ACACA: variants seen among roughly 807,000 people sequenced by gnomAD.
ACACA encodes acetyl-CoA carboxylase 1.
ACACA carries 103 observed loss-of-function variants against 296.1 expected under a neutral mutation model. The observed-to-expected ratio is 0.35, with a 90% CI of 0.30 to 0.41. The LOEUF (loss-of-function observed/expected upper bound fraction) is 0.41, where lower values mean the gene tolerates loss of function less well. Among genes scored for constraint, ACACA ranks in the 10% least tolerant of loss-of-function variants. The pLI is 1.00. For synonymous variants in ACACA, 953 were observed against 1,038.6 expected (o/e 0.92, Z 1.58); for missense variants, 1,554 against 2,989.7 (o/e 0.52, Z 11.20).
intron 38 of ACACA, among the ~76,000 whole-genome samples, chr17:37,189,030 T>C (rs2077645813): frequency 6.6e-6 from 1 of 152,196 alleles, no homozygotes; most frequent in Admixed American, 6.5e-5. Flanking sequence ...TGCTAGAACA[T>C]TCTCTCTAAA....
intron 39 of ACACA, among the ~76,000 whole-genome samples, chr17:37,183,715 T>C (rs1384412362): frequency 3.4e-5 from 5 of 149,088 alleles, no homozygotes; most frequent in African/African-American, 9.9e-5. Flanking sequence ...ACCCGGGAGG[T>C]AGAACTTGCA....
intron 29 of ACACA, among the ~76,000 whole-genome samples, chr17:37,219,648 G>A (rs990864879): frequency 6.7e-6 from 1 of 149,226 alleles, no homozygotes; most frequent in Non-Finnish European, 1.5e-5. Context: ...ACATTTGGGG[G>A]AAAAATATAT....
intron 3 of ACACA, among the ~76,000 whole-genome samples, chr17:37,294,603 T>A (rs747694276): frequency 9.9e-5 from 15 of 152,244 alleles, no homozygotes; most frequent in Admixed American, 2.6e-4. Context: ...AAATTTCAGA[T>A]ATAGCAGTTT....
At chr17:37,331,569 G>A (rs368385596) in intron 2 of ACACA, among the ~76,000 whole-genome samples, 10 of 151,930 alleles carry the variant, frequency 6.6e-5, no homozygotes, top group East Asian at 1.9e-4. Flanking sequence ...CACCATGCCC[G>A]GCTGACTTTT....
intron 16 of ACACA, among the ~76,000 whole-genome samples, chr17:37,251,679 G>A (rs901287581): frequency 2.0e-5 from 3 of 152,208 alleles, no homozygotes; most frequent in Non-Finnish European, 4.4e-5. Context: ...GTGCTAGGGA[G>A]AAATACCAGA....
Position 37,330,157 on chromosome 17 carries a change from T to A in ACACA, c.338+16A>T, listed in dbSNP as rs143267096. On this transcript the variant is annotated intron_variant, in intron 3 of 55. Transcript: ENST00000616317. ...CAAGACAGATTAAATAAGTAGACCA[T>A]TGAACTCTCTCTTACCTTATGTGCA... is the stretch of plus-strand genomic sequence containing the variant. 1 of 1,613,886 alleles carries A rather than the reference T, an allele frequency of 6.2e-7. No homozygotes were observed. The highest frequency in any genetic ancestry group is 8.5e-7 in the Non-Finnish European group (1 of 1,179,880).
chr17:37,324,999 G>A lies in ACACA; in HGVS notation c.338+5174C>T, dbSNP rs528904866. On this transcript the variant is annotated intron_variant, in intron 3 of 55. Coordinates refer to ENST00000616317, the MANE Select transcript of ACACA (RefSeq NM_198834.3). ...AGGCAGATCACAAGGTCAGGAGTTC[G>A]AGACCTGCCTGACGAACACGGTGAA... Among the ~76,000 whole-genome samples the A allele has an allele frequency of 3.3e-5, 5 of 151,602 alleles. No individual in the cohort carries two copies. The East Asian group carries it at 5.8e-4, about 18-fold the overall frequency.
At chr17:37,219,357 C>T (rs145497869) in intron 29 of ACACA, among the ~76,000 whole-genome samples, 1 of 152,100 alleles carries the variant, frequency 6.6e-6, no homozygotes, top group Non-Finnish European at 1.5e-5. Context: ...TTTGGCTGAT[C>T]CTGACAATAA....
At chr17:37,175,965 A>G (rs972107898) in intron 41 of ACACA, among the ~76,000 whole-genome samples, 3 of 152,206 alleles carry the variant, frequency 2.0e-5, no homozygotes. Context: ...TTCAAAATGC[A>G]GGTCACATCT....
At chr17:37,359,376 G>C (rs2049304147) in intron 1 of ACACA, among the ~76,000 whole-genome samples, 1 of 151,936 alleles carries the variant, frequency 6.6e-6, no homozygotes, top group Non-Finnish European at 1.5e-5. Flanking sequence ...GTCCGAGCGC[G>C]GATCTGCCAT....
intron 9 of ACACA, among the ~76,000 whole-genome samples, chr17:37,271,505 A>G (rs1318575509): frequency 6.6e-6 from 1 of 152,136 alleles, no homozygotes; most frequent in Non-Finnish European, 1.5e-5. Context: ...ACAAGAGCGA[A>G]ACTCCATCTC....
chr17:37,263,824 A>G lies in ACACA; in HGVS notation c.1190T>C (p.Val397Ala). Residue 397 changes from valine (V) to alanine (A), a missense_variant, in exon 11 of 56, where the codon GTG (valine) becomes GCG (alanine). By Grantham distance (64) the Val-to-Ala change is moderately conservative. Coordinates refer to ENST00000616317, the MANE Select transcript of ACACA (RefSeq NM_198834.3). ...RLAKQSRHLE[V>A]QILADQYGNA... ...GCCATATTGGTCCGCTAAGATCTGCACCTCCAGATGACGAGATTGTTTGGC... is the reference window on the plus strand; with the variant it reads ...GCCATATTGGTCCGCTAAGATCTGCGCCTCCAGATGACGAGATTGTTTGGC... 6.2e-7 allele frequency: 1 copy of G among 1,614,008 alleles called. No individual in the cohort carries two copies. Among genetic ancestry groups the G allele is most frequent in the East Asian group, 2.2e-5 (1 of 44,868 alleles).
intron 3 of ACACA, chr17:37,289,441 A>G: frequency 7.4e-7 from 1 of 1,351,754 alleles, no homozygotes; most frequent in Non-Finnish European, 9.8e-7. Flanking sequence ...AACTGTAAGT[A>G]TGGCACAATC....
At position 37,275,915 on chromosome 17, in the gene ACACA, T is replaced by A. The variant is rs774190638; in HGVS notation, c.901+36A>T. ...TCCCAAATATCCTACTGAGCTATTC[T>A]GTACTTCAAGATACAAACAAGAATT... On this transcript the variant is annotated intron_variant, in intron 8 of 55. Coordinates refer to ENST00000616317, the MANE Select transcript of ACACA (RefSeq NM_198834.3). 5.8e-6 allele frequency: 9 copies of A among 1,548,352 alleles called. No individual in the cohort carries two copies. The East Asian group carries it at 1.8e-4, about 31-fold the overall frequency.
At chr17:37,129,147 T>C (rs1348041413) in intron 47 of ACACA, among the ~76,000 whole-genome samples, 3 of 152,220 alleles carry the variant, frequency 2.0e-5, no homozygotes, top group African/African-American at 7.2e-5. Context: ...CTTGACTTAA[T>C]GGGTGATTGG....
chr17:37,260,374 G>A (rs2081458226), intron 11 of ACACA, among the ~76,000 whole-genome samples: 1 of 139,692 alleles, frequency 7.2e-6, no homozygotes, highest in Non-Finnish European at 1.5e-5. Flanking sequence ...CGCAATCTCG[G>A]CTCACTGTAA....
chr17:37,310,339 G>T (rs1454640568), intron 3 of ACACA, among the ~76,000 whole-genome samples: 1 of 152,098 alleles, frequency 6.6e-6, no homozygotes, highest in Non-Finnish European at 1.5e-5. Context: ...TTATGAAGAA[G>T]ATAGGGGAAA....
In ACACA at chr17:37,241,876, AT is replaced by A. The variant is rs376421191; in HGVS notation, c.3032+76del. On this transcript the variant is annotated intron_variant, in intron 23 of 55. Coordinates refer to ENST00000616317, the MANE Select transcript of ACACA (RefSeq NM_198834.3). ...TTTCTTGAAGTCAAATCTGAGGTAA[AT>A]TTTTTTGTGACCACTTGAAAGAAAG... 4.9e-4 allele frequency: 608 copies of A among 1,238,678 alleles called. 6 individuals are homozygous for A. In the East Asian group the frequency reaches 9.4e-3, roughly 19 times the overall value. 76.7% of individuals were successfully genotyped at this position (1,238,678 alleles called of 1,614,324 possible). A position where few individuals can be genotyped will look rare whatever the true frequency, so the allele number is the denominator to read the frequency against.
At chr17:37,384,937 T>C (rs954700769) in intron 1 of ACACA, among the ~76,000 whole-genome samples, 1 of 152,200 alleles carries the variant, frequency 6.6e-6, no homozygotes, top group Non-Finnish European at 1.5e-5. Flanking sequence ...AGCAATGATA[T>C]GAGACCACTA....
Sources: allele counts gnomAD v4.1 joint callset (sites outside exome capture counted in the v4.1 genomes callset), GRCh38; gene constraint gnomAD v4.1.1; transcripts MANE v1.5; gene names NCBI Gene and HGNC (gene_info 2026-07-23, HGNC 2026-07-21).